Variants in PNKD observed in about 807,000 individuals in gnomAD.
The protein encoded by PNKD is probable thioesterase PNKD.
Under a neutral mutation model 45.3 loss-of-function variants are expected in PNKD, and 36 were observed. That is an observed-to-expected ratio of 0.80 (90% CI 0.61 to 1.05). The LOEUF is 1.05. Ranked by LOEUF, PNKD falls within the 50% of genes least tolerant of loss-of-function variation. The pLI, the probability that PNKD is intolerant of heterozygous loss-of-function variation, is 0.00. For missense variants in PNKD, 511 were observed against 506.6 expected (o/e 1.01, Z -0.08); for synonymous variants, 197 against 210.1 (o/e 0.94, Z 0.54).
intron 2 of PNKD, chr2:218,275,232 C>T (rs559333749): frequency 3.2e-5 from 13 of 405,700 alleles, no homozygotes; most frequent in African/African-American, 1.6e-4. Context: ...GGAGAAGACA[C>T]ATCTTCAGCC....
At chr2:218,313,903 C>CTTTTTTTTTTTTTTT (rs10550174) in intron 2 of PNKD, among the ~76,000 whole-genome samples, 2 of 77,722 alleles carry the variant, frequency 2.6e-5, no homozygotes, top group African/African-American at 7.8e-5. Flanking sequence ...TTCTTTATTT[C>CTTTTTTTTTTTTTTT]TTTTTTTTTT....
At chr2:218,323,124 T>G (rs1390836207) in intron 2 of PNKD, 1 of 1,268,728 alleles carries the variant, frequency 7.9e-7, no homozygotes, top group Non-Finnish European at 1.0e-6. Flanking sequence ...AGGGGGCGGG[T>G]CCAAAGGAGA....
rs111537923 is a variant in PNKD at position 218,310,886 on chromosome 2, G to A, written c.237-28897G>A. 1.8e-3 allele frequency among the ~76,000 whole-genome samples: 280 copies of A among 152,144 alleles called. 1 individual carries two copies. The highest frequency in any genetic ancestry group is 6.5e-3 in the African/African-American group (271 of 41,510). On this transcript the variant is annotated intron_variant, in intron 2 of 9. Transcript: ENST00000273077. The stretch of plus-strand genomic sequence containing the variant: ...GGATTACAGGCGTGAGCTACCATGC[G>A]CCCCATGTTACAGCACCTTTTCTAG...
intron 2 of PNKD, chr2:218,276,893 C>A (rs1422048819): frequency 1.2e-6 from 1 of 834,872 alleles, no homozygotes; most frequent in South Asian, 1.5e-5. Flanking sequence ...TCGAGAGGTT[C>A]TGGAGGTCAG....
intron 1 of PNKD, chr2:218,270,922 C>G (rs1192612963): frequency 2.8e-6 from 1 of 354,474 alleles, no homozygotes; most frequent in Admixed American, 4.5e-5. Flanking sequence ...GTTCCAGCCC[C>G]GGATAATTAG....
intron 2 of PNKD, chr2:218,281,904 T>A: frequency 6.5e-7 from 1 of 1,535,708 alleles, no homozygotes; most frequent in Non-Finnish European, 8.8e-7. Flanking sequence ...GTGCTGTCCC[T>A]CCCACCCACC....
At chr2:218,294,741 G>A (rs956419358) in intron 2 of PNKD, among the ~76,000 whole-genome samples, 1 of 152,218 alleles carries the variant, frequency 6.6e-6, no homozygotes, top group African/African-American at 2.4e-5. Context: ...ACCTCCCAAA[G>A]TGCTGGGATT....
At chr2:218,314,036 C>A (rs936561261) in intron 2 of PNKD, among the ~76,000 whole-genome samples, 1 of 150,856 alleles carries the variant, frequency 6.6e-6, no homozygotes, top group African/African-American at 2.4e-5. Context: ...ATTCTTCTAC[C>A]TCAGCCTCCT....
rs763037296 is a variant in PNKD at position 218,339,988 on chromosome 2, C to A, written c.353-41C>A. 10 of 1,496,904 alleles carry A rather than the reference C, an allele frequency of 6.7e-6. No individual in the cohort carries two copies. In the African/African-American group the frequency reaches 8.3e-5, roughly 12 times the overall value. The allele number at this position is 1,496,904 out of a possible 1,614,324, so 92.7% of individuals were successfully genotyped here. On this transcript the variant is annotated intron_variant, in intron 3 of 9. Transcript: ENST00000273077. ...CTTCACATACCCCAGCCCCTGGGCT[C>A]CCTGCCTGTTACCCCGCCCACAGCC...
chr2:218,321,926 G>A (rs538547867), intron 2 of PNKD, among the ~76,000 whole-genome samples: 2 of 123,634 alleles, frequency 1.6e-5, no homozygotes, highest in Non-Finnish European at 3.3e-5. Flanking sequence ...TCCCGGCCGA[G>A]CTTGACTCTT....
Position 218,324,997 on chromosome 2 carries a change from C to CTTTTTTTTT in PNKD, c.237-14766_237-14758dup, listed in dbSNP as rs1167758595. Among the ~76,000 whole-genome samples, 14 of 62,682 alleles carry CTTTTTTTTT rather than the reference C, an allele frequency of 2.2e-4. 4 individuals carry two copies. Among genetic ancestry groups the CTTTTTTTTT allele is most frequent in the African/African-American group, 8.7e-4 (13 of 14,888 alleles). 41.1% of individuals were successfully genotyped at this position (62,682 alleles called of 152,430 possible). On this transcript the variant is annotated intron_variant, in intron 2 of 9. Transcript: ENST00000273077. ...AACATGAAGGTATCTAAATAATTTT[C>CTTTTTTTTT]TTTTTTTTTTTTTTTTTTTTTTTTT...
At chr2:218,272,700 A>C in intron 2 of PNKD, 1 of 1,614,202 alleles carries the variant, frequency 6.2e-7, no homozygotes, top group Non-Finnish European at 8.5e-7. Context: ...TGAGAGCCAG[A>C]GGTTCAGGGC....
At chr2:218,275,482 C>G (rs143173370) in intron 2 of PNKD, 2 of 1,612,342 alleles carry the variant, frequency 1.2e-6, no homozygotes, top group East Asian at 4.5e-5. Context: ...TCCTTAATTG[C>G]GATCCCCCAT....
In PNKD at chr2:218,295,333, A is replaced by T. The variant is rs541151171; in HGVS notation, c.236+23784A>T. Among the ~76,000 whole-genome samples, 52 of 152,358 alleles carry T rather than the reference A, an allele frequency of 3.4e-4. 1 individual carries two copies. Among genetic ancestry groups the T allele is most frequent in the South Asian group, 2.9e-3 (14 of 4,828 alleles). ...CACAGCCCCTGCTCTCAAGAAACTC[A>T]CAGTCTAAGGGAGCCAGTAAAATGA... is the stretch of plus-strand genomic sequence containing the variant. On this transcript the variant is annotated intron_variant, in intron 2 of 9. Coordinates refer to ENST00000273077, the MANE Select transcript of PNKD (RefSeq NM_015488.5).
chr2:218,285,105 G>A (rs751283957), intron 2 of PNKD, among the ~76,000 whole-genome samples: 8 of 152,110 alleles, frequency 5.3e-5, no homozygotes, highest in Non-Finnish European at 8.8e-5. Context: ...AAATAAAAAA[G>A]AAAATACACA....
intron 2 of PNKD, among the ~76,000 whole-genome samples, chr2:218,310,259 G>C (rs1293366501): frequency 6.6e-6 from 1 of 152,164 alleles, no homozygotes; most frequent in Admixed American, 6.5e-5. Flanking sequence ...ATCTCACTCT[G>C]TCACCCAAGC....
chr2:218,331,476 TA>T (rs1435885502), intron 2 of PNKD, among the ~76,000 whole-genome samples: 1 of 152,028 alleles, frequency 6.6e-6, no homozygotes, highest in East Asian at 1.9e-4. Flanking sequence ...TTTATTTATT[TA>T]TTTTTTTATT....
chr2:218,339,265 TC>T (rs1368287688), intron 2 of PNKD, among the ~76,000 whole-genome samples: 1 of 152,024 alleles, frequency 6.6e-6, no homozygotes, highest in Non-Finnish European at 1.5e-5. Flanking sequence ...TCTCCAAGTC[TC>T]TCTTTTTTTT....
intron 2 of PNKD, among the ~76,000 whole-genome samples, chr2:218,320,709 G>T (rs764524439): frequency 1.2e-4 from 19 of 152,212 alleles, no homozygotes; most frequent in Middle Eastern, 3.2e-3. Flanking sequence ...GGGGAACAAA[G>T]AATAAATGGC....
Sources: allele counts gnomAD v4.1 joint callset (sites outside exome capture counted in the v4.1 genomes callset), GRCh38; gene constraint gnomAD v4.1.1; transcripts MANE v1.5; gene names NCBI Gene and HGNC (gene_info 2026-07-23, HGNC 2026-07-21).